ESCO1: variants seen among roughly 807,000 people sequenced by gnomAD.
ESCO1 encodes N-acetyltransferase ESCO1.
Under a neutral mutation model 83.5 loss-of-function variants are expected in ESCO1, and 33 were observed. The observed-to-expected ratio is 0.40, with a 90% confidence interval of 0.30 to 0.53. ESCO1 has a LOEUF of 0.53. Ranked by LOEUF, ESCO1 falls within the 20% of genes least tolerant of loss-of-function variation. The probability of loss-of-function intolerance (pLI) is 0.63; values close to 1 mark genes in which losing one functional copy is unlikely to be tolerated. For synonymous variants in ESCO1, 332 were observed against 324.3 expected (o/e 1.02, Z -0.25); for missense variants, 855 against 968.0 (o/e 0.88, Z 1.55).
intron 7 of ESCO1, among the ~76,000 whole-genome samples, chr18:21,562,338 C>T (rs982880599): frequency 6.6e-6 from 1 of 151,822 alleles, no homozygotes; most frequent in Non-Finnish European, 1.5e-5. Context: ...TAGCCAGGCA[C>T]GGTGGTGCGT....
At chr18:21,595,553 C>A (rs1371349835) in intron 1 of ESCO1, among the ~76,000 whole-genome samples, 1 of 150,810 alleles carries the variant, frequency 6.6e-6, no homozygotes, top group Non-Finnish European at 1.5e-5. Context: ...CCTGTAGTTC[C>A]AGCTACTCGG....
chr18:21,599,634 C>T (rs1307200765), intron 1 of ESCO1, among the ~76,000 whole-genome samples: 2 of 152,188 alleles, frequency 1.3e-5, no homozygotes, highest in Non-Finnish European at 2.9e-5. Flanking sequence ...TTAAAGGAAT[C>T]TCATTGCAGC....
chr18:21,555,304 T>G (rs911394627), intron 8 of ESCO1, among the ~76,000 whole-genome samples: 1 of 152,182 alleles, frequency 6.6e-6, no homozygotes, highest in Admixed American at 6.5e-5. Context: ...TTTAGCACAG[T>G]GCAACTATTC....
chr18:21,556,719 G>A (rs2038117313), intron 8 of ESCO1, among the ~76,000 whole-genome samples: 1 of 151,298 alleles, frequency 6.6e-6, no homozygotes, highest in South Asian at 2.1e-4. Context: ...TTTTCCCCTT[G>A]AGATGGAGTC....
At chr18:21,554,457 G>C (rs1186966598) in intron 8 of ESCO1, among the ~76,000 whole-genome samples, 3 of 152,084 alleles carry the variant, frequency 2.0e-5, no homozygotes, top group Non-Finnish European at 4.4e-5. Flanking sequence ...AAAAGAAACG[G>C]GCTTTCAAAG....
chr18:21,550,436 T>G (rs1316503808), intron 8 of ESCO1, among the ~76,000 whole-genome samples: 2 of 152,244 alleles, frequency 1.3e-5, no homozygotes, highest in African/African-American at 2.4e-5. Flanking sequence ...TGGGAAGAAT[T>G]ATGATACTTT....
At chr18:21,572,897 G>A (rs2146209655) in intron 4 of ESCO1, among the ~76,000 whole-genome samples, 1 of 151,782 alleles carries the variant, frequency 6.6e-6, no homozygotes, top group African/African-American at 2.4e-5. Context: ...CTGGGAGGCG[G>A]AGGATGCAGT....
rs869215387 is a variant in ESCO1 at position 21,534,632 on chromosome 18, CT to C, written c.2187+1409del. ...GTGGTGATCTATTCCAGGTGTGGGC[CT>C]TTTTTTTTTTTTTGAGATGGAGTCT... On this transcript the variant is annotated intron_variant, in intron 10 of 11. Transcript: ENST00000269214. 3.2e-3 allele frequency among the ~76,000 whole-genome samples: 449 copies of C among 140,690 alleles called. 1 individual carries two copies. The highest frequency in any genetic ancestry group is 3.3e-3 in the African/African-American group (127 of 38,532). 92.3% of individuals were successfully genotyped at this position (140,690 alleles called of 152,430 possible).
chr18:21,573,570 G>A lies in ESCO1; in HGVS notation c.1274C>T (p.Pro425Leu). 1 of 1,614,102 alleles carries A rather than the reference G, an allele frequency of 6.2e-7. No homozygotes were observed. ...LGLLRTSFSP[P>L]ALEMHHPVTQ... ...CACTGGATGATGCATTTCTAAAGCTGGTGGTGAAAAACTGGTTCGTAATAA... is the reference window on the plus strand; with the variant it reads ...CACTGGATGATGCATTTCTAAAGCTAGTGGTGAAAAACTGGTTCGTAATAA... The change falls in exon 4 of 12, where the codon CCA becomes CTA. Residue 425 changes from proline to leucine, a missense_variant. By Grantham distance (98) the Pro-to-Leu change is moderately conservative. Coordinates refer to ENST00000269214, the MANE Select transcript of ESCO1 (RefSeq NM_052911.3).
intron 9 of ESCO1, 62 bp from the exon 10 acceptor site, chr18:21,536,247 C>T (rs2037835811): frequency 1.3e-6 from 2 of 1,525,756 alleles, no homozygotes; most frequent in African/African-American, 2.8e-5. Flanking sequence ...TAAAAACACA[C>T]TATTTCAGTT....
chr18:21,535,789 T>C (rs950792830), intron 10 of ESCO1, among the ~76,000 whole-genome samples: 1 of 152,248 alleles, frequency 6.6e-6, no homozygotes, highest in African/African-American at 2.4e-5. Context: ...GTGCTGGGAT[T>C]ATAGGCGTGA....
Position 21,573,728 on chromosome 18 carries a change from C to T in ESCO1, c.1116G>A (p.Lys372=). The T allele has an allele frequency of 6.2e-7, 1 of 1,614,126 alleles. No individual in the cohort carries two copies. The highest frequency in any genetic ancestry group is 8.5e-7 in the Non-Finnish European group (1 of 1,180,012). ...TTCCATTTAGTATACATTTCACAGG[C>T]TTTGTTTTTCTACTTGGGAAAAAAC... is the stretch of plus-strand genomic sequence containing the variant. The part of the protein sequence containing the change: ...CNRFFPSRKT[K]PVKCILNGIN... The change falls in exon 4 of 12, where the codon AAG becomes AAA. Residue 372 remains lysine, a synonymous_variant. Coordinates refer to ENST00000269214, the MANE Select transcript of ESCO1 (RefSeq NM_052911.3).
intron 5 of ESCO1, among the ~76,000 whole-genome samples, chr18:21,567,606 A>G (rs2038280080): frequency 6.6e-6 from 1 of 152,228 alleles, no homozygotes; most frequent in South Asian, 2.1e-4. Context: ...AACTGAGTAA[A>G]TAAGGGTTAA....
At chr18:21,595,921 G>A (rs536532608) in intron 1 of ESCO1, among the ~76,000 whole-genome samples, 57 of 151,922 alleles carry the variant, frequency 3.8e-4, no homozygotes, top group African/African-American at 1.3e-3. Flanking sequence ...CGGAGATCAC[G>A]CCACTGCACT....
intron 8 of ESCO1, chr18:21,540,747 G>A: frequency 8.1e-7 from 1 of 1,236,904 alleles, no homozygotes; most frequent in South Asian, 1.5e-5. Context: ...AATCTAGTAA[G>A]ATGGGACTGA....
intron 7 of ESCO1, among the ~76,000 whole-genome samples, chr18:21,563,197 A>G (rs1197380445): frequency 1.3e-5 from 2 of 152,048 alleles, no homozygotes; most frequent in Non-Finnish European, 1.5e-5. Flanking sequence ...TAACATTTAA[A>G]TCAACTACTG....
chr18:21,530,522 T>C, intron 11 of ESCO1, 32 bp from the exon 12 acceptor site: 1 of 1,287,640 alleles, frequency 7.8e-7, no homozygotes, highest in Non-Finnish European at 1.1e-6. Context: ...GGGGAAGGGT[T>C]AAGTGTGAAA....
At chr18:21,557,026 T>C (rs926584262) in intron 8 of ESCO1, among the ~76,000 whole-genome samples, 1 of 152,160 alleles carries the variant, frequency 6.6e-6, no homozygotes, top group Non-Finnish European at 1.5e-5. Flanking sequence ...AAGTTTCTCA[T>C]CAATGTTCTT....
intron 8 of ESCO1, among the ~76,000 whole-genome samples, chr18:21,550,867 C>G (rs972052223): frequency 1.3e-5 from 2 of 152,056 alleles, no homozygotes; most frequent in African/African-American, 4.8e-5. Flanking sequence ...AATCCCAGTA[C>G]TTTCGGAGGC....
Sources: allele counts gnomAD v4.1 joint callset (sites outside exome capture counted in the v4.1 genomes callset), GRCh38; gene constraint gnomAD v4.1.1; transcripts MANE v1.5; gene names NCBI Gene and HGNC (gene_info 2026-07-23, HGNC 2026-07-21).